The following SDK2 variants were observed in gnomAD, a reference collection of about 807,000 sequenced individuals.
The protein encoded by SDK2 is protein sidekick-2.
In SDK2, 105 loss-of-function variants were observed where a neutral mutation model predicts 253.9. The ratio of observed to expected loss-of-function variants is 0.41; its 90% CI spans 0.35 to 0.49. The LOEUF (loss-of-function observed/expected upper bound fraction) is 0.49, where lower values mean the gene tolerates loss of function less well. Ranked by LOEUF, SDK2 falls within the 20% of genes least tolerant of loss-of-function variation. The pLI, the probability that SDK2 is intolerant of heterozygous loss-of-function variation, is 0.06. For missense variants in SDK2, 2,608 were observed against 3,003.0 expected, an observed-to-expected ratio of 0.87 and a Z score of 3.07; for synonymous variants, 1,249 against 1,234.9, an observed-to-expected ratio of 1.01 and a Z score of -0.24.
intron 12 of SDK2, among the ~76,000 whole-genome samples, chr17:73,428,245 T>C (rs1009334572): frequency 6.6e-6 from 1 of 152,188 alleles, no homozygotes; most frequent in Non-Finnish European, 1.5e-5. Flanking sequence ...TTTGTATTTT[T>C]AGTAGAGACG....
At chr17:73,477,823 T>C (rs957230513) in intron 2 of SDK2, among the ~76,000 whole-genome samples, 1 of 152,118 alleles carries the variant, frequency 6.6e-6, no homozygotes, top group Admixed American at 6.5e-5. Flanking sequence ...AGCAGGAACC[T>C]GGCTCCTCCA....
At chr17:73,492,313 C>G (rs60889704) in intron 2 of SDK2, among the ~76,000 whole-genome samples, 3 of 152,082 alleles carry the variant, frequency 2.0e-5, no homozygotes, top group Non-Finnish European at 2.9e-5. Flanking sequence ...GTGGCCCGGC[C>G]GGCACGCTCC....
chr17:73,510,039 G>A (rs967814850), intron 1 of SDK2, among the ~76,000 whole-genome samples: 1 of 151,938 alleles, frequency 6.6e-6, no homozygotes, highest in Non-Finnish European at 1.5e-5. Context: ...GTAGCTGGCT[G>A]TGGCTGGGTG....
chr17:73,525,076 C>T (rs2064114529), intron 1 of SDK2, among the ~76,000 whole-genome samples: 1 of 152,216 alleles, frequency 6.6e-6, no homozygotes, highest in Admixed American at 6.5e-5. Context: ...GGCCTCATTC[C>T]CTTTAGGGCA....
chr17:73,572,605 T>C lies in SDK2; in HGVS notation c.65-65008A>G, dbSNP rs116290509. On this transcript the variant is annotated intron_variant, in intron 1 of 44. Transcript: ENST00000392650. ...TCGCCTTCCTATTCCCTGAGCTCTG[T>C]AGGGAGGAAGACCATGTCTGTTTTT... Among the ~76,000 whole-genome samples the C allele has an allele frequency of 7.4e-3, 1,122 of 152,306 alleles. 16 individuals carry two copies. Among genetic ancestry groups the C allele is most frequent in the African/African-American group, 0.025 (1,050 of 41,572 alleles).
chr17:73,572,143 A>G (rs573475749), intron 1 of SDK2, among the ~76,000 whole-genome samples: 2 of 152,220 alleles, frequency 1.3e-5, no homozygotes, highest in Admixed American at 6.5e-5. Flanking sequence ...GAGCTGTCCA[A>G]ATGGTTTTAG....
At chr17:73,400,947 C>T (rs912925360) in intron 21 of SDK2, 73 bp downstream of exon 21, 40 of 1,434,632 alleles carry the variant, frequency 2.8e-5, no homozygotes, top group South Asian at 1.2e-4. Flanking sequence ...CACGCCCAGC[C>T]GACAAGGGGC....
At chr17:73,449,883 G>A (rs891229824) in intron 4 of SDK2, among the ~76,000 whole-genome samples, 3 of 151,898 alleles carry the variant, frequency 2.0e-5, no homozygotes, top group Admixed American at 1.3e-4. Context: ...AGGTCGCACC[G>A]TTGCACTCCA....
intron 16 of SDK2, among the ~76,000 whole-genome samples, chr17:73,417,056 G>A (rs2145574158): frequency 6.6e-6 from 1 of 152,218 alleles, no homozygotes; most frequent in South Asian, 2.1e-4. Context: ...TATAGGTGTG[G>A]CTTCTGGCTA....
intron 18 of SDK2, among the ~76,000 whole-genome samples, chr17:73,411,929 G>A (rs1201644867): frequency 7.3e-6 from 1 of 137,254 alleles, no homozygotes; most frequent in Non-Finnish European, 1.5e-5. Context: ...GCGCCACCAT[G>A]CCCAGTTAAT....
chr17:73,571,090 A>G (rs1599688741), intron 1 of SDK2, among the ~76,000 whole-genome samples: 1 of 147,190 alleles, frequency 6.8e-6, no homozygotes. Flanking sequence ...TTTGAGATGG[A>G]GTCTTGATCT....
At chr17:73,497,784 A>C (rs2063855030) in intron 2 of SDK2, among the ~76,000 whole-genome samples, 1 of 152,124 alleles carries the variant, frequency 6.6e-6, no homozygotes, top group Non-Finnish European at 1.5e-5. Context: ...GATCATGTCC[A>C]TTCCCTGGGA....
chr17:73,540,191 G>A (rs994143766), intron 1 of SDK2, among the ~76,000 whole-genome samples: 6 of 152,190 alleles, frequency 3.9e-5, no homozygotes, highest in East Asian at 1.9e-4. Flanking sequence ...TGGAAGAGGT[G>A]GGGAACGATT....
chr17:73,463,915 C>G (rs1206206281), intron 3 of SDK2, among the ~76,000 whole-genome samples: 1 of 152,190 alleles, frequency 6.6e-6, no homozygotes, highest in African/African-American at 2.4e-5. Flanking sequence ...TACACACATT[C>G]ATTTTACTAA....
chr17:73,466,606 C>G (rs1025328562), intron 3 of SDK2, among the ~76,000 whole-genome samples: 1 of 151,974 alleles, frequency 6.6e-6, no homozygotes, highest in African/African-American at 2.4e-5. Context: ...TCTTATGTTC[C>G]TCAAACGATT....
At chr17:73,515,784 C>T (rs1156434330) in intron 1 of SDK2, among the ~76,000 whole-genome samples, 5 of 152,218 alleles carry the variant, frequency 3.3e-5, no homozygotes, top group African/African-American at 9.7e-5. Flanking sequence ...ATTGGGTTTA[C>T]ATCCCATTTC....
intron 32 of SDK2, among the ~76,000 whole-genome samples, chr17:73,385,446 C>G (rs2062864447): frequency 6.6e-6 from 1 of 152,166 alleles, no homozygotes; most frequent in Non-Finnish European, 1.5e-5. Context: ...CATGGAGACT[C>G]TGGGGGCCCT....
intron 2 of SDK2, among the ~76,000 whole-genome samples, chr17:73,505,024 G>C (rs1237860882): frequency 6.6e-6 from 1 of 150,754 alleles, no homozygotes; most frequent in Admixed American, 6.7e-5. Context: ...GGGGCGAGGA[G>C]GTAAAGGAAT....
At position 73,481,306 on chromosome 17, in the gene SDK2, A is replaced by G. The variant is rs2063722104; in HGVS notation, c.225-9088T>C. On this transcript the variant is annotated intron_variant, in intron 2 of 44. Transcript: ENST00000392650. The surrounding 1 kb of genome is among the most constrained non-coding windows in gnomAD (Gnocchi z 4.5). ...GTGTGTTCCCCCCACCTTCTAGGGAACCTGAGGGTGGAGAGGGGGTACCCG... is the reference window on the plus strand; with the variant it reads ...GTGTGTTCCCCCCACCTTCTAGGGAGCCTGAGGGTGGAGAGGGGGTACCCG... 6.6e-6 allele frequency among the ~76,000 whole-genome samples: 1 copy of G among 152,122 alleles called. No homozygotes were observed. Among genetic ancestry groups the G allele is most frequent in the Non-Finnish European group, 1.5e-5 (1 of 68,002 alleles).
Sources: allele counts gnomAD v4.1 joint callset (sites outside exome capture counted in the v4.1 genomes callset), GRCh38; gene constraint gnomAD v4.1.1; non-coding constraint Gnocchi (gnomAD v3.1); transcripts MANE v1.5; gene names NCBI Gene and HGNC (gene_info 2026-07-23, HGNC 2026-07-21).